Variants in NATD1 observed in about 807,000 individuals in gnomAD.
The protein encoded by NATD1 is N-acetyltransferase domain containing 1.
NATD1 carries 9 observed loss-of-function variants against 12.0 expected under a neutral mutation model. That is an observed-to-expected ratio of 0.75 (90% CI 0.45 to 1.30). The LOEUF (loss-of-function observed/expected upper bound fraction) is 1.30, where lower values mean the gene tolerates loss of function less well. NATD1 is among the 50% of genes most tolerant of loss of function. The probability of loss-of-function intolerance (pLI) is 0.00; values close to 1 mark genes in which losing one functional copy is unlikely to be tolerated. For missense variants in NATD1, 148 were observed against 148.5 expected, an observed-to-expected ratio of 1.00 and a Z score of 0.02; for synonymous variants, 71 against 65.9, an observed-to-expected ratio of 1.08 and a Z score of -0.37.
chr17:21,243,949 A>G (rs115092997), intron 2 of NATD1, among the ~76,000 whole-genome samples, 157 bp downstream of exon 2: 2,901 of 152,260 alleles, frequency 0.019, 92 homozygotes, highest in African/African-American at 0.066. Context: ...GTCTTGCAGA[A>G]CAGGAGCCTG....
rs983721532 is a variant in NATD1, at chr17:21,239,052, C to T, written c.*4261G>A. On this transcript the variant is annotated 3_prime_UTR_variant, in exon 3 of 3. Coordinates refer to ENST00000611551, the MANE Select transcript of NATD1 (RefSeq NM_152914.3). ...CTGGAAGGAGTGGGACCCTGAGAAT[C>T]GTAAAGGGATATTTGGGTGGACTTG... The T allele has an allele frequency of 9.2e-5, 14 of 152,094 alleles. No individual in the cohort carries two copies. The highest frequency in any genetic ancestry group is 3.1e-4 in the African/African-American group (13 of 41,422). 9.4% of individuals were successfully genotyped at this position (152,094 alleles called of 1,614,324 possible). A position where few individuals can be genotyped will look rare whatever the true frequency, so the allele number is the denominator to read the frequency against.
At position 21,243,484 on chromosome 17, in the gene NATD1, T is replaced by C; in HGVS notation, c.226-55A>G. On this transcript the variant is annotated intron_variant, in intron 2 of 2. Transcript: ENST00000611551. ...AGGGCCTGCAGCCGGCACCAGAAGG[T>C]AGCATTGTCTGCTGCCTCCCCAGGC... The C allele has an allele frequency of 3.6e-6, 5 of 1,402,532 alleles. No individual in the cohort carries two copies. The South Asian group carries it at 4.6e-5, about 13-fold the overall frequency. 86.9% of individuals were successfully genotyped at this position (1,402,532 alleles called of 1,614,324 possible). A position where few individuals can be genotyped will look rare whatever the true frequency, so the allele number is the denominator to read the frequency against.
At position 21,253,148 on chromosome 17, in the gene NATD1, G is replaced by T; in HGVS notation, c.106+11C>A. ...CAGACAAAAGGTCGGGGCGGGCCGG[G>T]GCCGCCTTACCGTTGAGCCGGACAG... On this transcript the variant is annotated intron_variant, in intron 1 of 2. Coordinates refer to ENST00000611551, the MANE Select transcript of NATD1 (RefSeq NM_152914.3). 1 of 1,018,150 alleles carries T rather than the reference G, an allele frequency of 9.8e-7. No individual in the cohort carries two copies. 63.1% of individuals were successfully genotyped at this position (1,018,150 alleles called of 1,614,324 possible).
rs915466304 is a variant in NATD1 at position 21,244,366 on chromosome 17, C to T, written c.107-142G>A. ...AATAACCTCTCAGTGCCTCAGTCTC[C>T]TCATCCATAAAGTGGAGGTACAATA... On this transcript the variant is annotated intron_variant, in intron 1 of 2. Coordinates refer to ENST00000611551, the MANE Select transcript of NATD1 (RefSeq NM_152914.3). The surrounding 1 kb of genome is among the most constrained non-coding windows in gnomAD (Gnocchi z 5.2). 2.3e-5 allele frequency: 15 copies of T among 646,760 alleles called. No individual in the cohort carries two copies. The highest frequency in any genetic ancestry group is 3.4e-5 in the Non-Finnish European group (13 of 385,084). 40.1% of individuals were successfully genotyped at this position (646,760 alleles called of 1,614,324 possible). A position where few individuals can be genotyped will look rare whatever the true frequency, so the allele number is the denominator to read the frequency against.
chr17:21,246,144 C>T (rs575894781), intron 1 of NATD1, among the ~76,000 whole-genome samples: 16 of 152,254 alleles, frequency 1.1e-4, no homozygotes, highest in African/African-American at 3.4e-4. Context: ...CAGGCAGCAG[C>T]GAACAAAACT....
chr17:21,246,653 A>G (rs961918283), intron 1 of NATD1, among the ~76,000 whole-genome samples: 1 of 152,082 alleles, frequency 6.6e-6, no homozygotes, highest in Non-Finnish European at 1.5e-5. Context: ...TTATCACTGC[A>G]TTCCAGCCTG....
chr17:21,253,166 C>A lies in NATD1; in HGVS notation c.99G>T (p.Arg33=). 1 of 1,020,984 alleles carries A rather than the reference C, an allele frequency of 9.8e-7. No individual in the cohort carries two copies. The highest frequency in any genetic ancestry group is 1.2e-6 in the Non-Finnish European group (1 of 854,482). The allele number at this position is 1,020,984 out of a possible 1,614,324, so 63.2% of individuals were successfully genotyped here. The stretch of plus-strand genomic sequence containing the variant: ...GGGCCGGGGCCGCCTTACCGTTGAG[C>A]CGGACAGTGAACTGGCGGCGCCGGC... ...HDRRRRQFTV[R]LNGCHDRAVL... The change falls in exon 1 of 3, where the codon CGG becomes CGT. Residue 33 remains arginine (R), a synonymous_variant. Coordinates refer to ENST00000611551, the MANE Select transcript of NATD1 (RefSeq NM_152914.3).
Position 21,252,933 on chromosome 17 carries a change from G to A in NATD1, c.106+226C>T, listed in dbSNP as rs557730484. ...CCCCGCCCAGCCCGTTCCACTTCCCGGAGCGCCGGCCGCGCCCCCACCTGG... is the reference window on the plus strand; with the variant it reads ...CCCCGCCCAGCCCGTTCCACTTCCCAGAGCGCCGGCCGCGCCCCCACCTGG... On this transcript the variant is annotated intron_variant, in intron 1 of 2. Transcript: ENST00000611551. 2.0e-5 allele frequency among the ~76,000 whole-genome samples: 3 copies of A among 151,750 alleles called. No homozygotes were observed. In the South Asian group the frequency reaches 6.2e-4, roughly 31 times the overall value.
intron 1 of NATD1, among the ~76,000 whole-genome samples, chr17:21,246,661 C>T (rs1975327735): frequency 6.6e-6 from 1 of 152,092 alleles, no homozygotes; most frequent in Admixed American, 6.5e-5. Context: ...GCATTCCAGC[C>T]TGGGTGACAG....
chr17:21,248,153 C>T (rs907444294), intron 1 of NATD1, among the ~76,000 whole-genome samples: 7 of 152,260 alleles, frequency 4.6e-5, no homozygotes, highest in Non-Finnish European at 1.0e-4. Flanking sequence ...GGCTCCTGGG[C>T]AGCAACCTCG....
rs913178554 is a variant in NATD1 at position 21,244,830 on chromosome 17, G to C, written c.107-606C>G. Among the ~76,000 whole-genome samples the C allele has an allele frequency of 5.3e-5, 8 of 152,302 alleles. No homozygotes were observed. The highest frequency in any genetic ancestry group is 1.9e-4 in the African/African-American group (8 of 41,560). On this transcript the variant is annotated intron_variant, in intron 1 of 2. Coordinates refer to ENST00000611551, the MANE Select transcript of NATD1 (RefSeq NM_152914.3). This position sits in a 1 kb window ranked among gnomAD's most constrained non-coding sequence, Gnocchi z 5.2. ...GGCCTGCCAAGCCTGGAGCTCACCA[G>C]TCCACCCCAAACTGCTGCTGGGCAA...
rs533534020 is a variant in NATD1, at chr17:21,244,812, C to T, written c.107-588G>A. 2.5e-4 allele frequency among the ~76,000 whole-genome samples: 38 copies of T among 152,314 alleles called. No homozygotes were observed. The highest frequency in any genetic ancestry group is 6.8e-3 in the Middle Eastern group (2 of 294). On this transcript the variant is annotated intron_variant, in intron 1 of 2. Transcript: ENST00000611551. This position sits in a 1 kb window ranked among gnomAD's most constrained non-coding sequence, Gnocchi z 5.2. ...GGTTTTCACACTCCACCAGGCCTGCCAAGCCTGGAGCTCACCAGTCCACCC... is the reference window on the plus strand; with the variant it reads ...GGTTTTCACACTCCACCAGGCCTGCTAAGCCTGGAGCTCACCAGTCCACCC...
chr17:21,253,230 G>C lies in NATD1; in HGVS notation c.35C>G (p.Ala12Gly). The C allele has an allele frequency of 1.0e-6, 1 of 1,002,120 alleles. No homozygotes were observed. 62.1% of individuals were successfully genotyped at this position (1,002,120 alleles called of 1,614,324 possible). ...GCGGATGGGGCAGCCCTGCTCCAGC[G>C]CGCCCAGCGGCACGGCGGCAGCCGA... ...AHSAAAVPLG[A>G]LEQGCPIRVE... The change falls in exon 1 of 3, where the codon GCG becomes GGG. Residue 12 changes from alanine (A) to glycine (G), a missense_variant. Ala to Gly is a moderately conservative substitution (Grantham distance 60). Coordinates refer to ENST00000611551, the MANE Select transcript of NATD1 (RefSeq NM_152914.3).
At chr17:21,246,837 C>T (rs184160799) in intron 1 of NATD1, among the ~76,000 whole-genome samples, 2 of 152,222 alleles carry the variant, frequency 1.3e-5, no homozygotes, top group East Asian at 1.9e-4. Flanking sequence ...GGGTATGAGC[C>T]GCCCACTGGT....
chr17:21,244,026 A>G lies in NATD1; in HGVS notation c.225+80T>C. ...CAAGAAGCAGGCTGAAGTGGCCACC[A>G]GGGCCACCGTCTCCTCGGAGCGAAG... is the stretch of plus-strand genomic sequence containing the variant. On this transcript the variant is annotated intron_variant, in intron 2 of 2. Transcript: ENST00000611551. This position sits in a 1 kb window ranked among gnomAD's most constrained non-coding sequence, Gnocchi z 5.2. The G allele has an allele frequency of 7.7e-7, 1 of 1,306,100 alleles. No individual in the cohort carries two copies. Among genetic ancestry groups the G allele is most frequent in the Non-Finnish European group, 1.1e-6 (1 of 945,996 alleles). The allele number at this position is 1,306,100 out of a possible 1,614,324, so 80.9% of individuals were successfully genotyped here.
intron 1 of NATD1, among the ~76,000 whole-genome samples, chr17:21,252,629 C>A (rs566738008): frequency 1.3e-5 from 2 of 152,174 alleles, no homozygotes; most frequent in South Asian, 2.1e-4. Flanking sequence ...TCGCGGTCAG[C>A]CCCAGGTCCG....
At position 21,253,241 on chromosome 17, in the gene NATD1, C is replaced by G. The variant is rs1198503219; in HGVS notation, c.24G>C (p.Val8=). 1 of 998,950 alleles carries G rather than the reference C, an allele frequency of 1.0e-6. No individual in the cohort carries two copies. Among genetic ancestry groups the G allele is most frequent in the East Asian group, 1.0e-4 (1 of 9,686 alleles). 61.9% of individuals were successfully genotyped at this position (998,950 alleles called of 1,614,324 possible). A position where few individuals can be genotyped will look rare whatever the true frequency, so the allele number is the denominator to read the frequency against. Residue 8 remains valine (V), a synonymous_variant, in exon 1 of 3, where the codon GTG becomes GTC. Transcript: ENST00000611551. MAHSAAA[V]PLGALEQGCP... ...AGCCCTGCTCCAGCGCGCCCAGCGG[C>G]ACGGCGGCAGCCGAGTGCGCCATCT...
chr17:21,248,712 T>G (rs2144365913), intron 1 of NATD1, among the ~76,000 whole-genome samples: 1 of 152,186 alleles, frequency 6.6e-6, no homozygotes, highest in South Asian at 2.1e-4. Flanking sequence ...TCTGGGCAGC[T>G]CTAAGAGCTG....
chr17:21,251,301 A>AC lies in NATD1; in HGVS notation c.106+1857_106+1858insG, dbSNP rs1240417626. ...TGGAAGAGAAAGAAAAAGAAAAAAA[A>AC]AAAAAAAAAACAAACGTATCCCCTC... On this transcript the variant is annotated intron_variant, in intron 1 of 2. Coordinates refer to ENST00000611551, the MANE Select transcript of NATD1 (RefSeq NM_152914.3). Among the ~76,000 whole-genome samples, 4 of 151,778 alleles carry AC rather than the reference A, an allele frequency of 2.6e-5. 1 individual carries two copies. Among genetic ancestry groups the AC allele is most frequent in the Non-Finnish European group, 5.9e-5 (4 of 67,922 alleles).
Sources: allele counts gnomAD v4.1 joint callset (sites outside exome capture counted in the v4.1 genomes callset), GRCh38; gene constraint gnomAD v4.1.1; non-coding constraint Gnocchi (gnomAD v3.1); transcripts MANE v1.5; gene names NCBI Gene and HGNC (gene_info 2026-07-23, HGNC 2026-07-21).